Variants in PLPP3 observed in about 807,000 individuals in gnomAD.
PLPP3 encodes the protein PAP2 beta.
PLPP3 carries 6 observed loss-of-function variants against 29.6 expected under a neutral mutation model. The observed-to-expected ratio is 0.20, with a 90% CI of 0.11 to 0.40. PLPP3 has a LOEUF of 0.40. PLPP3 is among the 10% of genes least tolerant of loss of function. The pLI is 1.00. For missense variants in PLPP3, 308 were observed against 407.7 expected (o/e 0.76, Z 2.11); for synonymous variants, 152 against 159.7 (o/e 0.95, Z 0.36).
chr1:56,512,126 C>G lies in PLPP3; in HGVS notation c.660G>C (p.Trp220Cys). The change falls in exon 5 of 6, where the codon TGG (tryptophan) becomes TGC (cysteine). Residue 220 changes from tryptophan (W) to cysteine (C), a missense_variant. Around this residue, in one of 3 missense-constraint regions of PLPP3, gnomAD observed 232 missense variants for 317.2 expected, o/e 0.73. Coordinates refer to ENST00000371250, the MANE Select transcript of PLPP3 (RefSeq NM_003713.5). ...GGGGCCGGAGCAGGCGGGCTCCTCG[C>G]CAAGTGAAGCGGGCCTGCAGGTATA... ...LVLYLQARFT[W>C]RGARLLRPLL... 1 of 1,605,698 alleles carries G rather than the reference C, an allele frequency of 6.2e-7. No homozygotes were observed.
chr1:56,534,367 G>A (rs1024273403), intron 2 of PLPP3, among the ~76,000 whole-genome samples: 1 of 152,098 alleles, frequency 6.6e-6, no homozygotes, highest in African/African-American at 2.4e-5. Flanking sequence ...TCTCCATAAC[G>A]CGTGATGATT....
chr1:56,564,549 C>T (rs1569603857), intron 1 of PLPP3, among the ~76,000 whole-genome samples: 1 of 152,178 alleles, frequency 6.6e-6, no homozygotes, highest in Non-Finnish European at 1.5e-5. Flanking sequence ...AGGGCAAGCA[C>T]AGCTGCAACA....
intron 5 of PLPP3, among the ~76,000 whole-genome samples, chr1:56,500,069 C>G (rs1358654562): frequency 6.6e-6 from 1 of 152,178 alleles, no homozygotes; most frequent in Admixed American, 6.5e-5. Flanking sequence ...TTACGATGCG[C>G]AGAACATTTG....
chr1:56,566,766 T>TA (rs1248648060), intron 1 of PLPP3, among the ~76,000 whole-genome samples: 1 of 152,250 alleles, frequency 6.6e-6, no homozygotes, highest in Non-Finnish European at 1.5e-5. Context: ...TTCACATACT[T>TA]ACAACTTGAT....
intron 2 of PLPP3, among the ~76,000 whole-genome samples, chr1:56,529,502 T>C (rs1645872937): frequency 1.3e-5 from 2 of 152,156 alleles, no homozygotes; most frequent in African/African-American, 4.8e-5. Flanking sequence ...AAAGATTAAT[T>C]CAACAAACTG....
intron 1 of PLPP3, chr1:56,538,530 T>C: frequency 2.4e-6 from 1 of 409,846 alleles, no homozygotes; most frequent in Non-Finnish European, 4.8e-6. Flanking sequence ...AGTTGTTTAT[T>C]TGGCCACGTA....
intron 4 of PLPP3, among the ~76,000 whole-genome samples, chr1:56,521,883 A>C (rs911164517): frequency 7.9e-5 from 12 of 152,148 alleles, no homozygotes; most frequent in African/African-American, 2.9e-4. Flanking sequence ...AGATCTCTAG[A>C]TGGTAAGGAG....
At chr1:56,539,417 T>C (rs192199946) in intron 1 of PLPP3, among the ~76,000 whole-genome samples, 407 of 152,360 alleles carry the variant, frequency 2.7e-3, no homozygotes, top group Middle Eastern at 0.01. Context: ...TCACTGTGCA[T>C]ACACACATGG....
chr1:56,560,534 T>A (rs1646114188), intron 1 of PLPP3, among the ~76,000 whole-genome samples: 2 of 152,140 alleles, frequency 1.3e-5, no homozygotes, highest in South Asian at 4.1e-4. Flanking sequence ...AGATGGCCCC[T>A]TCTAGCTGTG....
At chr1:56,517,658 C>A (rs983543387) in intron 4 of PLPP3, among the ~76,000 whole-genome samples, 1 of 152,204 alleles carries the variant, frequency 6.6e-6, no homozygotes, top group African/African-American at 2.4e-5. Flanking sequence ...GCTCTAAGCA[C>A]AGAACCGCCT....
chr1:56,509,853 A>AAAAG (rs377448398), intron 5 of PLPP3, among the ~76,000 whole-genome samples: 4 of 139,266 alleles, frequency 2.9e-5, no homozygotes, highest in South Asian at 2.2e-4. Flanking sequence ...AAAAAAAAAA[A>AAAAG]GGAAGACAAT....
chr1:56,555,449 A>AC lies in PLPP3; in HGVS notation c.140-18338_140-18337insG, dbSNP rs1310527774. ...GCCAAACACTAAAAAAAAAAAAAAA[A>AC]AAAAAAAAAAACAAAAAACAAACAA... On this transcript the variant is annotated intron_variant, in intron 1 of 5. Transcript: ENST00000371250. 5.8e-3 allele frequency among the ~76,000 whole-genome samples: 839 copies of AC among 143,456 alleles called. 12 individuals are homozygous for AC. The highest frequency in any genetic ancestry group is 7.3e-3 in the Non-Finnish European group (488 of 66,940). The allele number at this position is 143,456 out of a possible 152,430, so 94.1% of individuals were successfully genotyped here.
intron 1 of PLPP3, among the ~76,000 whole-genome samples, chr1:56,569,376 G>A (rs1394261892): frequency 1.3e-5 from 2 of 151,328 alleles, no homozygotes; most frequent in African/African-American, 2.4e-5. Flanking sequence ...GTTTCACTAT[G>A]TTGGCCAGGC....
intron 5 of PLPP3, among the ~76,000 whole-genome samples, chr1:56,509,457 C>T (rs1205472054): frequency 6.6e-6 from 1 of 152,162 alleles, no homozygotes; most frequent in Non-Finnish European, 1.5e-5. Context: ...TGTCTATTAG[C>T]TCTCTGACCC....
intron 1 of PLPP3, among the ~76,000 whole-genome samples, chr1:56,574,373 C>A (rs1338349555): frequency 6.6e-6 from 1 of 152,112 alleles, no homozygotes; most frequent in Non-Finnish European, 1.5e-5. Context: ...CCTCAGCCTC[C>A]CAAGAAGCTG....
At chr1:56,552,431 AT>A (rs1332637966) in intron 1 of PLPP3, among the ~76,000 whole-genome samples, 1 of 152,228 alleles carries the variant, frequency 6.6e-6, no homozygotes, top group Non-Finnish European at 1.5e-5. Flanking sequence ...GCTTAAAAAA[AT>A]TGATATATAA....
intron 2 of PLPP3, among the ~76,000 whole-genome samples, chr1:56,530,818 T>C (rs1435361023): frequency 6.6e-6 from 1 of 152,182 alleles, no homozygotes; most frequent in Non-Finnish European, 1.5e-5. Flanking sequence ...TACTCCCTTA[T>C]ATTCCATTCA....
At chr1:56,578,812 C>G in intron 1 of PLPP3, 66 bp downstream of exon 1, 1 of 1,415,074 alleles carries the variant, frequency 7.1e-7, no homozygotes, top group Non-Finnish European at 9.2e-7. Context: ...CGGCCCCGGA[C>G]TGGGCTGGGA....
In PLPP3 at chr1:56,578,888, G is replaced by A; in HGVS notation, c.129C>T (p.Cys43=). 6.3e-7 allele frequency: 1 copy of A among 1,587,184 alleles called. No individual in the cohort carries two copies. The highest frequency in any genetic ancestry group is 1.1e-5 in the South Asian group (1 of 88,732). The change falls in exon 1 of 6, where the codon TGC becomes TGT. Residue 43 remains cysteine, a synonymous_variant. Transcript: ENST00000371250. ...CGGGGCTGGGCTCACCCATGAAGAG[G>A]CAGAAGAGGTCGAGGCAGATGAGCA... ...RVLLICLDLF[C]LFMAGLPFLI... is the part of the protein sequence containing the mutation.
Sources: allele counts gnomAD v4.1 joint callset (sites outside exome capture counted in the v4.1 genomes callset), GRCh38; gene constraint gnomAD v4.1.1; regional missense constraint gnomAD v4.1.1; transcripts MANE v1.5; gene names NCBI Gene and HGNC (gene_info 2026-07-23, HGNC 2026-07-21).